PLXNB1: variants seen among roughly 807,000 people sequenced by gnomAD.
The protein encoded by PLXNB1 is plexin B1, also known as plexin-B1.
PLXNB1 carries 106 observed loss-of-function variants against 209.4 expected under a neutral mutation model. The ratio of observed to expected loss-of-function variants is 0.51; its 90% CI spans 0.43 to 0.59. The LOEUF is 0.59. Among genes scored for constraint, PLXNB1 ranks in the 20% least tolerant of loss-of-function variants. The probability of loss-of-function intolerance (pLI) is 0.00; values close to 1 mark genes in which losing one functional copy is unlikely to be tolerated. For missense variants in PLXNB1, 2,357 were observed against 2,853.2 expected (o/e 0.83, Z 3.96); for synonymous variants, 1,167 against 1,183.2 (o/e 0.99, Z 0.28).
At position 48,418,716 on chromosome 3, in the gene PLXNB1, G is replaced by C. The variant is rs1284189821; in HGVS notation, c.2956-174C>G. On this transcript the variant is annotated intron_variant, in intron 13 of 37. Transcript: ENST00000296440. This position sits in a 1 kb window ranked among gnomAD's most constrained non-coding sequence, Gnocchi z 6.6. Reference sequence around the variant, plus strand: ...AAATGGAGTATGGGGACCCCATGGGGTCTCAAGTTAGAGTTCAGAGCTGGG... The same window carrying C: ...AAATGGAGTATGGGGACCCCATGGGCTCTCAAGTTAGAGTTCAGAGCTGGG... Among the ~76,000 whole-genome samples the C allele has an allele frequency of 6.6e-6, 1 of 152,184 alleles. No homozygotes were observed. Among genetic ancestry groups the C allele is most frequent in the Non-Finnish European group, 1.5e-5 (1 of 68,026 alleles).
chr3:48,417,190 C>G lies in PLXNB1; in HGVS notation c.3374+721G>C, dbSNP rs1461409839. ...GTCATAACACATTCAGGGGACACTC[C>G]GTGCTCCAGGAGAGTGGTTCCTTGT... On this transcript the variant is annotated intron_variant, in intron 16 of 37. Coordinates refer to ENST00000296440, the MANE Select transcript of PLXNB1 (RefSeq NM_001130082.3). This position sits in a 1 kb window ranked among gnomAD's most constrained non-coding sequence, Gnocchi z 4.4. 6.6e-6 allele frequency among the ~76,000 whole-genome samples: 1 copy of G among 152,210 alleles called. No homozygotes were observed. Among genetic ancestry groups the G allele is most frequent in the Admixed American group, 6.5e-5 (1 of 15,280 alleles).
intron 2 of PLXNB1, among the ~76,000 whole-genome samples, chr3:48,424,893 C>T (rs1005966432): frequency 6.6e-6 from 1 of 152,112 alleles, no homozygotes; most frequent in Non-Finnish European, 1.5e-5. Flanking sequence ...CACTCACCAT[C>T]CCCCCAGATC....
Position 48,419,310 on chromosome 3 carries a change from G to T in PLXNB1, c.2766C>A (p.Ser922=). ...SCPCVESVQG[S]TLMPVHVERE... ...GCTCCACATGGACCGGCATCAACGT[G>T]GAGCCCTGAACGCTCTCCACACAGG... The change falls in exon 12 of 38, where the codon TCC becomes TCA. Residue 922 remains serine, a synonymous_variant. Coordinates refer to ENST00000296440, the MANE Select transcript of PLXNB1 (RefSeq NM_001130082.3). The surrounding 1 kb of genome is among the most constrained non-coding windows in gnomAD (Gnocchi z 5.7). 6.3e-7 allele frequency: 1 copy of T among 1,598,606 alleles called. No homozygotes were observed.
chr3:48,420,881 C>A lies in PLXNB1; in HGVS notation c.1886G>T (p.Cys629Phe). The change falls in exon 9 of 38, where the codon TGT (cysteine) becomes TTT (phenylalanine). Residue 629 changes from cysteine to phenylalanine, a missense_variant. Around this residue, in one of 7 missense-constraint regions of PLXNB1, gnomAD observed 214 missense variants for 297.1 expected, o/e 0.72. Transcript: ENST00000296440. ...IAKTSLSFYDCVAVTELRPSA... is the reference protein window; with the variant it reads ...IAKTSLSFYDFVAVTELRPSA... ...TGGGCGGAGTTCAGTGACCGCCACA[C>A]AGTCATAGAAAGAGAGGGAAGTTTT... 6.2e-7 allele frequency: 1 copy of A among 1,614,114 alleles called. No homozygotes were observed. The highest frequency in any genetic ancestry group is 8.5e-7 in the Non-Finnish European group (1 of 1,179,944).
At position 48,419,894 on chromosome 3, in the gene PLXNB1, C is replaced by A; in HGVS notation, c.2392G>T (p.Ala798Ser). 1 of 1,564,294 alleles carries A rather than the reference C, an allele frequency of 6.4e-7. No individual in the cohort carries two copies. The change falls in exon 11 of 38, where the codon GCA (alanine) becomes TCA (serine). Residue 798 changes from alanine (A) to serine (S), a missense_variant. Transcript: ENST00000296440. The surrounding 1 kb of genome is among the most constrained non-coding windows in gnomAD (Gnocchi z 5.7). Reference sequence around the variant, plus strand: ...CCAGGGTCTGCAGGGGGCACTGCTGCTACCTCTGAGGGTGACAGCGGGGAG... The same window carrying A: ...CCAGGGTCTGCAGGGGGCACTGCTGATACCTCTGAGGGTGACAGCGGGGAG... ...LASPLSPSEV[A>S]AVPPADPGPE...
Position 48,413,604 on chromosome 3 carries a change from T to C in PLXNB1, c.4535+66A>G. On this transcript the variant is annotated intron_variant, in intron 23 of 37. Transcript: ENST00000296440. The surrounding 1 kb of genome is among the most constrained non-coding windows in gnomAD (Gnocchi z 5.4). ...ATGTTTCCTGACTCCTGGCCCGGTC[T>C]GTCCCTTCCCAGTCCAGCCAGATCC... 3 of 1,494,308 alleles carry C rather than the reference T, an allele frequency of 2.0e-6. No individual in the cohort carries two copies. Among genetic ancestry groups the C allele is most frequent in the Non-Finnish European group, 2.7e-6 (3 of 1,104,082 alleles). The allele number at this position is 1,494,308 out of a possible 1,614,324, so 92.6% of individuals were successfully genotyped here. A position where few individuals can be genotyped will look rare whatever the true frequency, so the allele number is the denominator to read the frequency against.
chr3:48,424,436 C>T lies in PLXNB1; in HGVS notation c.176G>A (p.Ser59Asn). The stretch of plus-strand genomic sequence containing the variant: ...TGTGGCCTCCAGCTGCAGCCCAGGG[C>T]TCAGCTGGAACAGGAAGTTGGTAGC... ...LGATNFLFQL[S>N]PGLQLEATVS... Residue 59 changes from serine to asparagine, a missense_variant, in exon 3 of 38, where the codon AGC (serine) becomes AAC (asparagine). Ser to Asn is a conservative substitution (Grantham distance 46). Coordinates refer to ENST00000296440, the MANE Select transcript of PLXNB1 (RefSeq NM_001130082.3). 6.3e-7 allele frequency: 1 copy of T among 1,580,734 alleles called. No homozygotes were observed. The highest frequency in any genetic ancestry group is 1.2e-5 in the South Asian group (1 of 86,516).
Position 48,416,471 on chromosome 3 carries a change from T to A in PLXNB1, c.3375-20A>T, listed in dbSNP as rs745336517. ...ACGAGGCTGTAGGCACAGGGCAGGCTAGGGGGTGCCAGGCTGCATCAAGGG... is the reference window on the plus strand; with the variant it reads ...ACGAGGCTGTAGGCACAGGGCAGGCAAGGGGGTGCCAGGCTGCATCAAGGG... On this transcript the variant is annotated intron_variant, in intron 16 of 37. Transcript: ENST00000296440. The surrounding 1 kb of genome is among the most constrained non-coding windows in gnomAD (Gnocchi z 4.1). The A allele has an allele frequency of 6.4e-7, 1 of 1,569,180 alleles. No individual in the cohort carries two copies. Among genetic ancestry groups the A allele is most frequent in the Non-Finnish European group, 8.7e-7 (1 of 1,144,670 alleles).
At position 48,410,697 on chromosome 3, in the gene PLXNB1, G is replaced by A; in HGVS notation, c.5417-139C>T. ...AACCTCTCCAAAGACCAAGAGCAGG[G>A]ACCCCCTCCCCAGATGAGAGGCTGT... On this transcript the variant is annotated intron_variant, in intron 29 of 37. Coordinates refer to ENST00000296440, the MANE Select transcript of PLXNB1 (RefSeq NM_001130082.3). The surrounding 1 kb of genome is among the most constrained non-coding windows in gnomAD (Gnocchi z 6.4). The A allele has an allele frequency of 4.3e-6, 4 of 936,756 alleles. No individual in the cohort carries two copies. The highest frequency in any genetic ancestry group is 6.5e-6 in the Non-Finnish European group (4 of 615,500). 58.0% of individuals were successfully genotyped at this position (936,756 alleles called of 1,614,324 possible).
rs1415947399 is a variant in PLXNB1 at position 48,409,635 on chromosome 3, CCAG to C, written c.5872_5874del (p.Leu1958del). ...ATGCCATGCTGCTGGGCCTGCTCAT[CCAG>C]CAGGTCAAAGAAGTACTTCACAGCG... On this transcript the variant is annotated inframe_deletion, in exon 33 of 38. Coordinates refer to ENST00000296440, the MANE Select transcript of PLXNB1 (RefSeq NM_001130082.3). This position sits in a 1 kb window ranked among gnomAD's most constrained non-coding sequence, Gnocchi z 5.8. The C allele has an allele frequency of 1.2e-6, 2 of 1,614,028 alleles. No homozygotes were observed.
intron 10 of PLXNB1, 51 bp from the exon 11 acceptor site, chr3:48,420,308 C>T (rs778457932): frequency 3.7e-5 from 42 of 1,122,606 alleles, no homozygotes; most frequent in South Asian, 2.2e-4. Flanking sequence ...CAGGCAGGCG[C>T]GGGACAGGAG....
chr3:48,422,742 G>T, intron 4 of PLXNB1, 23 bp downstream of exon 4: 2 of 1,607,658 alleles, frequency 1.2e-6, no homozygotes, highest in Non-Finnish European at 1.7e-6. Flanking sequence ...TGGGGCAGGG[G>T]CCAGTACTTC....
chr3:48,418,857 G>T lies in PLXNB1; in HGVS notation c.2955+60C>A. The T allele has an allele frequency of 6.2e-7, 1 of 1,601,440 alleles. No individual in the cohort carries two copies. Among genetic ancestry groups the T allele is most frequent in the Non-Finnish European group, 8.5e-7 (1 of 1,172,092 alleles). ...AGTGTGGTGCAGCCAGCTACAGTTG[G>T]CAGCCAGCCTGTGGCCAGTGCAGTG... On this transcript the variant is annotated intron_variant, in intron 13 of 37. Transcript: ENST00000296440. This position sits in a 1 kb window ranked among gnomAD's most constrained non-coding sequence, Gnocchi z 6.6.
In PLXNB1 at chr3:48,411,042, C is replaced by T. The variant is rs746774714; in HGVS notation, c.5248-6G>A. ...GCCAATAGTGCATTCAAGGTCTGTG[C>T]AGGACACACAGGAGCCATCAGGGTT... On this transcript the variant is annotated splice_region_variant and splice_polypyrimidine_tract_variant and intron_variant, in intron 28 of 37. Transcript: ENST00000296440. This position sits in a 1 kb window ranked among gnomAD's most constrained non-coding sequence, Gnocchi z 4.0. 1 of 1,606,694 alleles carries T rather than the reference C, an allele frequency of 6.2e-7. No individual in the cohort carries two copies. The highest frequency in any genetic ancestry group is 1.7e-5 in the Admixed American group (1 of 59,638).
chr3:48,418,390 A>C lies in PLXNB1; in HGVS notation c.3050-27T>G. The C allele has an allele frequency of 6.2e-7, 1 of 1,613,514 alleles. No individual in the cohort carries two copies. Among genetic ancestry groups the C allele is most frequent in the South Asian group, 1.1e-5 (1 of 91,082 alleles). ...TGGGGGTGGCAGAGACACACGTGAG[A>C]GGCAGGCCTGGGAGAGCCCTGCTAC... On this transcript the variant is annotated intron_variant, in intron 14 of 37. Coordinates refer to ENST00000296440, the MANE Select transcript of PLXNB1 (RefSeq NM_001130082.3). The surrounding 1 kb of genome is among the most constrained non-coding windows in gnomAD (Gnocchi z 6.6).
At chr3:48,427,942 A>G (rs1181841871) in intron 1 of PLXNB1, among the ~76,000 whole-genome samples, 4 of 152,216 alleles carry the variant, frequency 2.6e-5, no homozygotes, top group Admixed American at 1.3e-4. Flanking sequence ...TGCTCTGACC[A>G]GTAAACATGA....
At chr3:48,424,705 G>T in intron 2 of PLXNB1, 88 bp from the exon 3 acceptor site, 2 of 1,350,680 alleles carry the variant, frequency 1.5e-6, no homozygotes, top group Non-Finnish European at 2.0e-6. Context: ...CTGTGGCATT[G>T]CCAAGATGCT....
In PLXNB1 at chr3:48,416,206, G is replaced by A. The variant is rs1363108091; in HGVS notation, c.3481-39C>T. ...AGGGAGAGAGATGAGCATCAGACCA[G>A]ACACATGGAGGCAGGGACAGCCTGA... On this transcript the variant is annotated intron_variant, in intron 17 of 37. Coordinates refer to ENST00000296440, the MANE Select transcript of PLXNB1 (RefSeq NM_001130082.3). This position sits in a 1 kb window ranked among gnomAD's most constrained non-coding sequence, Gnocchi z 4.1. The A allele has an allele frequency of 1.9e-6, 3 of 1,564,886 alleles. No homozygotes were observed. Among genetic ancestry groups the A allele is most frequent in the South Asian group, 2.3e-5 (2 of 88,464 alleles).
chr3:48,412,135 T>C, intron 27 of PLXNB1, 103 bp downstream of exon 27: 1 of 1,482,398 alleles, frequency 6.7e-7, no homozygotes, highest in Non-Finnish European at 9.4e-7. Flanking sequence ...CAGGAGTCTC[T>C]GCTCTGGCAC....
Sources: allele counts gnomAD v4.1 joint callset (sites outside exome capture counted in the v4.1 genomes callset), GRCh38; gene constraint gnomAD v4.1.1; regional missense constraint gnomAD v4.1.1; non-coding constraint Gnocchi (gnomAD v3.1); transcripts MANE v1.5; gene names NCBI Gene and HGNC (gene_info 2026-07-23, HGNC 2026-07-21).